Variants in JARID2 observed in about 807,000 individuals in gnomAD.
JARID2 encodes the protein protein Jumonji.
Under a neutral mutation model 125.6 loss-of-function variants are expected in JARID2, and 21 were observed. That is an observed-to-expected ratio of 0.17 (90% confidence interval 0.12 to 0.24). The LOEUF is 0.24. JARID2 is among the 10% of genes least tolerant of loss of function. The probability of loss-of-function intolerance (pLI) is 1.00; values close to 1 mark genes in which losing one functional copy is unlikely to be tolerated. For synonymous variants in JARID2, 736 were observed against 661.6 expected (o/e 1.11, Z -1.73); for missense variants, 1,303 against 1,639.6 (o/e 0.79, Z 3.55).
At chr6:15,255,255 C>T (rs1340945341) in intron 1 of JARID2, among the ~76,000 whole-genome samples, 1 of 150,850 alleles carries the variant, frequency 6.6e-6, no homozygotes, top group South Asian at 2.1e-4. Flanking sequence ...CAGGCACACA[C>T]GACCATGCCC....
rs777986368 is a variant in JARID2, at chr6:15,520,092, T to C, written c.3582T>C (p.Asn1194=). 1 of 1,613,322 alleles carries C rather than the reference T, an allele frequency of 6.2e-7. No individual in the cohort carries two copies. Among genetic ancestry groups the C allele is most frequent in the South Asian group, 1.1e-5 (1 of 90,946 alleles). Residue 1194 remains asparagine, a synonymous_variant, in exon 18 of 18, where the codon AAT becomes AAC. Transcript: ENST00000341776. ...AGGAACAGATTATCAGTCTGGTCAA[T>C]CAGATCTGCGGCAAAGTGTCTGGTA... ...YDEEQIISLV[N]QICGKVSGKN...
At chr6:15,283,582 TC>T (rs1760869141) in intron 1 of JARID2, among the ~76,000 whole-genome samples, 1 of 151,616 alleles carries the variant, frequency 6.6e-6, no homozygotes, top group Non-Finnish European at 1.5e-5. Context: ...GACCTTGTGC[TC>T]CGCCCGCCTG....
chr6:15,314,255 C>T (rs1762108828), intron 1 of JARID2, among the ~76,000 whole-genome samples: 1 of 152,156 alleles, frequency 6.6e-6, no homozygotes, highest in Non-Finnish European at 1.5e-5. Flanking sequence ...TTATTTATAA[C>T]ATTTGCCACT....
intron 3 of JARID2, among the ~76,000 whole-genome samples, chr6:15,441,100 A>T (rs558730366): frequency 7.0e-4 from 107 of 152,206 alleles, no homozygotes; most frequent in Non-Finnish European, 1.1e-3. Flanking sequence ...ATACTCAGAA[A>T]ATGTGATAAT....
intron 2 of JARID2, among the ~76,000 whole-genome samples, chr6:15,397,004 C>A (rs973183115): frequency 2.0e-5 from 3 of 152,198 alleles, no homozygotes; most frequent in East Asian, 1.9e-4. Flanking sequence ...ACATGCATTA[C>A]AAAGTTCAGC....
At chr6:15,331,497 G>A (rs1445339772) in intron 1 of JARID2, among the ~76,000 whole-genome samples, 3 of 152,110 alleles carry the variant, frequency 2.0e-5, no homozygotes, top group Non-Finnish European at 4.4e-5. Flanking sequence ...ACAACATTTT[G>A]CATTTGTCAA....
At chr6:15,262,342 A>T (rs972870407) in intron 1 of JARID2, among the ~76,000 whole-genome samples, 2 of 151,942 alleles carry the variant, frequency 1.3e-5, no homozygotes, top group African/African-American at 4.8e-5. Context: ...TTCCATGTGA[A>T]TGGAATCATA....
chr6:15,445,287 A>T (rs1767625882), intron 3 of JARID2, among the ~76,000 whole-genome samples: 1 of 152,204 alleles, frequency 6.6e-6, no homozygotes, highest in Non-Finnish European at 1.5e-5. Flanking sequence ...CTGTTAGTTC[A>T]TCCCTGGGGT....
intron 6 of JARID2, among the ~76,000 whole-genome samples, chr6:15,491,363 C>T (rs1395601281): frequency 1.3e-5 from 2 of 152,258 alleles, no homozygotes; most frequent in Non-Finnish European, 2.9e-5. Context: ...TCCTGCCCAT[C>T]TGCTGCTGCG....
chr6:15,441,119 G>A (rs1767428623), intron 3 of JARID2, among the ~76,000 whole-genome samples: 1 of 152,128 alleles, frequency 6.6e-6, no homozygotes, highest in African/African-American at 2.4e-5. Context: ...ATCAGAAAAT[G>A]TAGGTTTTCT....
intron 3 of JARID2, among the ~76,000 whole-genome samples, chr6:15,437,435 T>C (rs901659391): frequency 3.9e-5 from 6 of 152,182 alleles, no homozygotes; most frequent in African/African-American, 1.2e-4. Context: ...TACGCTTACA[T>C]TGTGGAAGTC....
intron 3 of JARID2, among the ~76,000 whole-genome samples, chr6:15,416,132 C>T (rs920199874): frequency 6.6e-6 from 1 of 151,412 alleles, no homozygotes; most frequent in South Asian, 2.1e-4. Context: ...GATGGGATGG[C>T]GGCCGGGAAG....
At chr6:15,380,279 C>A (rs942764157) in intron 2 of JARID2, among the ~76,000 whole-genome samples, 3 of 152,090 alleles carry the variant, frequency 2.0e-5, no homozygotes, top group African/African-American at 2.4e-5. Flanking sequence ...AGGTGATCTG[C>A]CCACGTCGGC....
intron 8 of JARID2, among the ~76,000 whole-genome samples, chr6:15,502,038 A>G (rs6899342): frequency 0.24 from 37,125 of 151,910 alleles, 4,631 homozygotes; most frequent in Middle Eastern, 0.35. Context: ...CTCTGTGGAG[A>G]GCTATCCCTG....
intron 2 of JARID2, among the ~76,000 whole-genome samples, chr6:15,408,372 C>T (rs1765736201): frequency 6.6e-6 from 1 of 151,664 alleles, no homozygotes; most frequent in Non-Finnish European, 1.5e-5. Flanking sequence ...TTTCAGTTTT[C>T]TCTATGGTAA....
chr6:15,320,044 A>G (rs1036333497), intron 1 of JARID2, among the ~76,000 whole-genome samples: 14 of 152,214 alleles, frequency 9.2e-5, no homozygotes, highest in Admixed American at 2.6e-4. Context: ...AGGCTATATT[A>G]GTAGAACCTG....
chr6:15,283,768 C>A (rs528617312), intron 1 of JARID2, among the ~76,000 whole-genome samples: 1 of 134,800 alleles, frequency 7.4e-6, no homozygotes, highest in Admixed American at 7.5e-5. Context: ...TGCAGTAGCG[C>A]GATCACGGCT....
In JARID2 at chr6:15,263,915, C is replaced by T. The variant is rs1039328763; in HGVS notation, c.45+17331C>T. On this transcript the variant is annotated intron_variant, in intron 1 of 17. Coordinates refer to ENST00000341776, the MANE Select transcript of JARID2 (RefSeq NM_004973.4). ...GCTGGCAATTTTTATTTTTTAGATA[C>T]AGGGTGTCGCTGTGTTACCCAAACT... is the stretch of plus-strand genomic sequence containing the variant. 2.6e-5 allele frequency among the ~76,000 whole-genome samples: 4 copies of T among 152,106 alleles called. No homozygotes were observed. In the East Asian group the frequency reaches 5.8e-4, roughly 22 times the overall value.
intron 1 of JARID2, among the ~76,000 whole-genome samples, chr6:15,289,715 G>A (rs1450423177): frequency 6.6e-6 from 1 of 152,170 alleles, no homozygotes; most frequent in Non-Finnish European, 1.5e-5. Flanking sequence ...GCGTGGTGGT[G>A]TATTCCTGTA....
Sources: allele counts gnomAD v4.1 joint callset (sites outside exome capture counted in the v4.1 genomes callset), GRCh38; gene constraint gnomAD v4.1.1; transcripts MANE v1.5; gene names NCBI Gene and HGNC (gene_info 2026-07-23, HGNC 2026-07-21).